CXCL1: variants seen among roughly 807,000 people sequenced by gnomAD.
The protein encoded by CXCL1 is C-X-C motif chemokine ligand 1.
In CXCL1, 9 loss-of-function variants were observed where a neutral mutation model predicts 11.7. The ratio of observed to expected loss-of-function variants is 0.77; its 90% CI spans 0.46 to 1.34. The LOEUF is 1.34. Among genes scored for constraint, CXCL1 ranks in the 40% most tolerant of loss-of-function variants. The pLI, the probability that CXCL1 is intolerant of heterozygous loss-of-function variation, is 0.00. For synonymous variants in CXCL1, 78 were observed against 59.1 expected (o/e 1.32, Z -1.47); for missense variants, 146 against 138.1 (o/e 1.06, Z -0.29).
In CXCL1 at chr4:73,869,495, GC is replaced by G; in HGVS notation, c.30del (p.Ser11AlafsTer16). MARAALSA[A>X]PSNPRLLRVA... ...CATGGCCCGCGCTGCTCTCTCCGCCGCCCCCAGCAATCCCCGGCTCCTGCGA... is the reference window on the plus strand; with the variant it reads ...CATGGCCCGCGCTGCTCTCTCCGCCGCCCCAGCAATCCCCGGCTCCTGCGA... On this transcript the variant is annotated frameshift_variant, in exon 1 of 4. Transcript: ENST00000395761. LOFTEE classifies it high-confidence loss of function. 1 of 1,581,762 alleles carries G rather than the reference GC, an allele frequency of 6.3e-7. No homozygotes were observed. Among genetic ancestry groups the G allele is most frequent in the East Asian group, 2.3e-5 (1 of 42,808 alleles).
rs756509914 is a variant in CXCL1, at chr4:73,870,582, C to G, written c.*46C>G. On this transcript the variant is annotated 3_prime_UTR_variant, in exon 4 of 4. Coordinates refer to ENST00000395761, the MANE Select transcript of CXCL1 (RefSeq NM_001511.4). Reference sequence around the variant, plus strand: ...CACTGGTGGCTGTTCCTGAAGGAGGCCCTGCCCTTATAGGAACAGAAGAGG... The same window carrying G: ...CACTGGTGGCTGTTCCTGAAGGAGGGCCTGCCCTTATAGGAACAGAAGAGG... 6.2e-7 allele frequency: 1 copy of G among 1,611,922 alleles called. No homozygotes were observed. The highest frequency in any genetic ancestry group is 1.1e-5 in the South Asian group (1 of 90,886).
Position 73,870,596 on chromosome 4 carries a change from G to A in CXCL1, c.*60G>A, listed in dbSNP as rs1015316073. 2.4e-5 allele frequency: 39 copies of A among 1,606,234 alleles called. No individual in the cohort carries two copies. The highest frequency in any genetic ancestry group is 3.7e-4 in the Middle Eastern group (2 of 5,426). On this transcript the variant is annotated 3_prime_UTR_variant, in exon 4 of 4. Transcript: ENST00000395761. ...CCTGAAGGAGGCCCTGCCCTTATAG[G>A]AACAGAAGAGGAAAGAGAGACACAG... is the stretch of plus-strand genomic sequence containing the variant.
At chr4:73,870,099 A>G (rs571152914) in intron 3 of CXCL1, 110 bp downstream of exon 3, 1 of 1,044,856 alleles carries the variant, frequency 9.6e-7, no homozygotes, top group African/African-American at 1.6e-5. Context: ...TTGAAGGACT[A>G]GAAATTGGGA....
rs199755915 is a variant in CXCL1, at chr4:73,869,577, A to C, written c.100+7A>C. ...GCTGGCCGGCGCGCAGCAGGTGGGT[A>C]CCGGCGCCCTGGGGTCCCCGGGCCG... On this transcript the variant is annotated splice_region_variant and intron_variant, in intron 1 of 3. Coordinates refer to ENST00000395761, the MANE Select transcript of CXCL1 (RefSeq NM_001511.4). 332 of 1,612,034 alleles carry C rather than the reference A, an allele frequency of 2.1e-4. No individual in the cohort carries two copies. Among genetic ancestry groups the C allele is most frequent in the East Asian group, 5.1e-4 (23 of 44,828 alleles).
Position 73,870,569 on chromosome 4 carries a change from T to C in CXCL1, c.*33T>C, listed in dbSNP as rs781747461. 1.2e-6 allele frequency: 2 copies of C among 1,613,528 alleles called. No homozygotes were observed. Among genetic ancestry groups the C allele is most frequent in the Non-Finnish European group, 1.7e-6 (2 of 1,179,728 alleles). On this transcript the variant is annotated 3_prime_UTR_variant, in exon 4 of 4. Transcript: ENST00000395761. ...GGAGGAGGAAGCTCACTGGTGGCTG[T>C]TCCTGAAGGAGGCCCTGCCCTTATA... is the stretch of plus-strand genomic sequence containing the variant.
chr4:73,869,873 C>T (rs1387029705), intron 2 of CXCL1, 33 bp from the exon 3 acceptor site: 37 of 1,613,970 alleles, frequency 2.3e-5, no homozygotes, highest in Admixed American at 3.3e-5. Flanking sequence ...CCAGCCCGAC[C>T]TCCTGCCTCA....
chr4:73,870,688 T>G lies in CXCL1; in HGVS notation c.*152T>G. 1.3e-6 allele frequency: 1 copy of G among 794,336 alleles called. No homozygotes were observed. The highest frequency in any genetic ancestry group is 2.0e-6 in the Non-Finnish European group (1 of 509,820). 49.2% of individuals were successfully genotyped at this position (794,336 alleles called of 1,614,324 possible). The stretch of plus-strand genomic sequence containing the variant: ...CGCTTAGGAGAAGTCTTCTATTTAT[T>G]TATTTATTCATTAGTTTTGAAGATT... On this transcript the variant is annotated 3_prime_UTR_variant, in exon 4 of 4. Transcript: ENST00000395761.
intron 1 of CXCL1, 42 bp downstream of exon 1, chr4:73,869,612 G>A (rs1731890763): frequency 1.2e-6 from 2 of 1,613,384 alleles, no homozygotes; most frequent in Admixed American, 1.7e-5. Context: ...GGACGCGGCT[G>A]GGGTAGGCAC....
In CXCL1 at chr4:73,871,304, C is replaced by T. The variant is rs959205342; in HGVS notation, c.*768C>T. ...TACTGGAAAATCTGGTGATTTATAT[C>T]AATATTTCTCAATTTTTTAATTGTG... is the stretch of plus-strand genomic sequence containing the variant. On this transcript the variant is annotated 3_prime_UTR_variant, in exon 4 of 4. Coordinates refer to ENST00000395761, the MANE Select transcript of CXCL1 (RefSeq NM_001511.4). The T allele has an allele frequency of 3.9e-5, 6 of 152,126 alleles. No homozygotes were observed. The highest frequency in any genetic ancestry group is 1.4e-4 in the African/African-American group (6 of 41,400). The allele number at this position is 152,126 out of a possible 1,614,324, so 9.4% of individuals were successfully genotyped here. A position where few individuals can be genotyped will look rare whatever the true frequency, so the allele number is the denominator to read the frequency against.
At chr4:73,870,107 G>T in intron 3 of CXCL1, 118 bp downstream of exon 3, 2 of 999,600 alleles carry the variant, frequency 2.0e-6, no homozygotes, top group Admixed American at 4.8e-5. Flanking sequence ...CTAGAAATTG[G>T]GATTATTGTT....
At position 73,869,777 on chromosome 4, in the gene CXCL1, C is replaced by T. The variant is rs145342393; in HGVS notation, c.209C>T (p.Ala70Val). The stretch of plus-strand genomic sequence containing the variant: ...GTGAAGTCCCCCGGACCCCACTGCG[C>T]CCAAACCGAAGTCATGTAAGTCCCG... ...VNVKSPGPHC[A>V]QTEVIATLKN... Residue 70 changes from alanine (A) to valine (V), a missense_variant, in exon 2 of 4, where the codon GCC becomes GTC. Physicochemically the swap from Ala to Val is moderately conservative, Grantham distance 64. Coordinates refer to ENST00000395761, the MANE Select transcript of CXCL1 (RefSeq NM_001511.4). 2,079 of 1,613,950 alleles carry T rather than the reference C, an allele frequency of 1.3e-3. 24 individuals are homozygous for T. The African/African-American group carries it at 0.025, about 19-fold the overall frequency.
chr4:73,870,503 C>A lies in CXCL1; in HGVS notation c.309-18C>A. ...CTTTCCCGAGCACCTACTCAGGGCA[C>A]CCATTTTCTCATTGCAGTGACAAAT... is the stretch of plus-strand genomic sequence containing the variant. On this transcript the variant is annotated intron_variant, in intron 3 of 3. Coordinates refer to ENST00000395761, the MANE Select transcript of CXCL1 (RefSeq NM_001511.4). The A allele has an allele frequency of 6.2e-7, 1 of 1,613,742 alleles. No homozygotes were observed. The highest frequency in any genetic ancestry group is 2.2e-5 in the East Asian group (1 of 44,860).
rs544472543 is a variant in CXCL1 at position 73,871,266 on chromosome 4, C to T, written c.*730C>T. On this transcript the variant is annotated 3_prime_UTR_variant, in exon 4 of 4. Coordinates refer to ENST00000395761, the MANE Select transcript of CXCL1 (RefSeq NM_001511.4). ...AACTCGTTTGATTTTTGGGGGGAAA[C>T]AAGGGCTACCTTTACTGGAAAATCT... 6.6e-6 allele frequency: 1 copy of T among 152,114 alleles called. No homozygotes were observed. Among genetic ancestry groups the T allele is most frequent in the Non-Finnish European group, 1.5e-5 (1 of 68,010 alleles). 9.4% of individuals were successfully genotyped at this position (152,114 alleles called of 1,614,324 possible).
chr4:73,869,899 T>C lies in CXCL1; in HGVS notation c.225-7T>C, dbSNP rs201396025. ...TCCTGCCTCACGAGATTCCCTTCCC[T>C]CTGCAGAGCCACACTCAAGAATGGG... On this transcript the variant is annotated splice_polypyrimidine_tract_variant and splice_region_variant and intron_variant, in intron 2 of 3. Coordinates refer to ENST00000395761, the MANE Select transcript of CXCL1 (RefSeq NM_001511.4). 2.7e-5 allele frequency: 43 copies of C among 1,613,872 alleles called. No individual in the cohort carries two copies. The highest frequency in any genetic ancestry group is 3.4e-6 in the Non-Finnish European group (4 of 1,179,976).
chr4:73,870,619 C>G lies in CXCL1; in HGVS notation c.*83C>G. The G allele has an allele frequency of 1.3e-6, 2 of 1,566,636 alleles. No homozygotes were observed. Among genetic ancestry groups the G allele is most frequent in the Non-Finnish European group, 1.7e-6 (2 of 1,143,760 alleles). On this transcript the variant is annotated 3_prime_UTR_variant, in exon 4 of 4. Coordinates refer to ENST00000395761, the MANE Select transcript of CXCL1 (RefSeq NM_001511.4). Reference sequence around the variant, plus strand: ...AGGAACAGAAGAGGAAAGAGAGACACAGCTGCAGAGGCCACCTGGATTGTG... The same window carrying G: ...AGGAACAGAAGAGGAAAGAGAGACAGAGCTGCAGAGGCCACCTGGATTGTG...
intron 3 of CXCL1, 151 bp downstream of exon 3, chr4:73,870,140 C>G (rs1049390051): frequency 6.3e-6 from 5 of 788,490 alleles, no homozygotes; most frequent in Non-Finnish European, 8.2e-6. Context: ...GTTTCCTTTA[C>G]GATAATTACT....
intron 1 of CXCL1, 37 bp downstream of exon 1, chr4:73,869,607 C>A (rs1031816963): frequency 6.2e-7 from 1 of 1,613,134 alleles, no homozygotes; most frequent in East Asian, 2.2e-5. Flanking sequence ...GGGCCGGACG[C>A]GGCTGGGGTA....
chr4:73,870,644 G>C lies in CXCL1; in HGVS notation c.*108G>C. 1 of 1,329,040 alleles carries C rather than the reference G, an allele frequency of 7.5e-7. No homozygotes were observed. Among genetic ancestry groups the C allele is most frequent in the South Asian group, 1.3e-5 (1 of 78,430 alleles). 82.3% of individuals were successfully genotyped at this position (1,329,040 alleles called of 1,614,324 possible). ...CAGCTGCAGAGGCCACCTGGATTGT[G>C]CCTAATGTGTTTGAGCATCGCTTAG... On this transcript the variant is annotated 3_prime_UTR_variant, in exon 4 of 4. Transcript: ENST00000395761.
Position 73,870,620 on chromosome 4 carries a change from A to G in CXCL1, c.*84A>G, listed in dbSNP as rs1226191185. 3.2e-6 allele frequency: 5 copies of G among 1,552,022 alleles called. No individual in the cohort carries two copies. In the East Asian group the frequency reaches 9.0e-5, roughly 28 times the overall value. On this transcript the variant is annotated 3_prime_UTR_variant, in exon 4 of 4. Coordinates refer to ENST00000395761, the MANE Select transcript of CXCL1 (RefSeq NM_001511.4). ...GGAACAGAAGAGGAAAGAGAGACAC[A>G]GCTGCAGAGGCCACCTGGATTGTGC...
Sources: gnomAD v4.1 joint callset for allele counts on GRCh38, gnomAD v4.1.1 for gene constraint, MANE v1.5 for transcripts, NCBI Gene and HGNC (gene_info 2026-07-23, HGNC 2026-07-21) for gene names.